SCHIP1: variants seen among roughly 807,000 people sequenced by gnomAD.
The protein encoded by SCHIP1 is schwannomin-interacting protein 1.
SCHIP1 carries 8 observed loss-of-function variants against 29.7 expected under a neutral mutation model. The observed-to-expected ratio is 0.27, with a 90% CI of 0.16 to 0.49. The LOEUF is 0.49. Among genes scored for constraint, SCHIP1 ranks in the 20% least tolerant of loss-of-function variants. The pLI, the probability that SCHIP1 is intolerant of heterozygous loss-of-function variation, is 0.99. For missense variants in SCHIP1, 193 were observed against 294.6 expected, an observed-to-expected ratio of 0.66 and a Z score of 2.52; for synonymous variants, 76 against 94.9, an observed-to-expected ratio of 0.80 and a Z score of 1.16.
chr3:159,571,575 T>C, the SCHIP1 span, among the ~76,000 whole-genome samples: 1 of 152,198 alleles, frequency 6.6e-6, no homozygotes, highest in East Asian at 1.9e-4. Context: ...ATCAGGGATA[T>C]TGATCTAAAA....
chr3:159,625,949 T>A, the SCHIP1 span, among the ~76,000 whole-genome samples: 1 of 151,932 alleles, frequency 6.6e-6, no homozygotes, highest in Non-Finnish European at 1.5e-5. Flanking sequence ...AAAAAGATGC[T>A]GTTAAACCAA....
chr3:159,866,665 C>T (rs1278589220), intron 2 of SCHIP1, among the ~76,000 whole-genome samples: 1 of 152,146 alleles, frequency 6.6e-6, no homozygotes, highest in Non-Finnish European at 1.5e-5. Context: ...AATCACCCCC[C>T]TGACACATTT....
the SCHIP1 span, among the ~76,000 whole-genome samples, chr3:159,347,529 T>G: frequency 6.6e-6 from 1 of 152,190 alleles, no homozygotes; most frequent in East Asian, 1.9e-4. Flanking sequence ...GGTCAGAATG[T>G]GAAATACTTT....
the SCHIP1 span, among the ~76,000 whole-genome samples, chr3:159,449,194 C>T: frequency 6.6e-6 from 1 of 152,146 alleles, no homozygotes; most frequent in East Asian, 1.9e-4. Context: ...TAGATTTACA[C>T]TTAAATCAAT....
upstream of SCHIP1, among the ~76,000 whole-genome samples, chr3:159,837,775 C>T (rs901011985): frequency 4.6e-5 from 7 of 151,844 alleles, no homozygotes; most frequent in African/African-American, 1.7e-4. Flanking sequence ...TTGCAAGGCA[C>T]TCTACACAGA....
chr3:159,361,808 G>A, the SCHIP1 span, among the ~76,000 whole-genome samples: 2 of 152,286 alleles, frequency 1.3e-5, no homozygotes, highest in East Asian at 3.9e-4. Context: ...TTTAAAAAAT[G>A]TATATTCAAA....
At chr3:159,474,008 C>G in the SCHIP1 span, among the ~76,000 whole-genome samples, 5 of 152,006 alleles carry the variant, frequency 3.3e-5, no homozygotes, top group African/African-American at 7.2e-5. Flanking sequence ...TAAATTGTCT[C>G]TAAATAAAAA....
intron 2 of SCHIP1, 59 bp downstream of exon 3, chr3:159,866,340 T>A (rs1019501667): frequency 2.0e-6 from 3 of 1,466,902 alleles, no homozygotes; most frequent in Admixed American, 4.4e-5. Context: ...GTCACTTGAC[T>A]ATTCTAATAA....
intron 2 of SCHIP1, among the ~76,000 whole-genome samples, chr3:159,867,573 C>T (rs1300402544): frequency 1.3e-5 from 2 of 152,170 alleles, no homozygotes; most frequent in African/African-American, 4.8e-5. Context: ...GCATCTCTTC[C>T]TCTGCTGGGT....
chr3:159,695,078 G>T, the SCHIP1 span, among the ~76,000 whole-genome samples: 10 of 152,236 alleles, frequency 6.6e-5, no homozygotes, highest in South Asian at 1.9e-3. Flanking sequence ...CTGTATATTT[G>T]GTGTTCATTT....
chr3:159,701,990 T>C, the SCHIP1 span, among the ~76,000 whole-genome samples: 1 of 152,138 alleles, frequency 6.6e-6, no homozygotes, highest in Non-Finnish European at 1.5e-5. Context: ...TGATGATCAT[T>C]GTACCTACCC....
At chr3:159,460,292 G>T in the SCHIP1 span, among the ~76,000 whole-genome samples, 2 of 152,172 alleles carry the variant, frequency 1.3e-5, no homozygotes, top group Non-Finnish European at 2.9e-5. Flanking sequence ...CACCCCTGAG[G>T]GTGGGTGAGG....
chr3:159,681,736 G>A, the SCHIP1 span, among the ~76,000 whole-genome samples: 1 of 152,032 alleles, frequency 6.6e-6, no homozygotes, highest in Admixed American at 6.5e-5. Flanking sequence ...CTTATCAGTT[G>A]GACTTTAACC....
intron 6 of SCHIP1, chr3:159,894,712 TAAAAAAA>T (rs77557884): frequency 7.1e-6 from 1 of 141,210 alleles, no homozygotes; most frequent in African/African-American, 2.6e-5. Flanking sequence ...ATTGTTGTTT[TAAAAAAA>T]AAAAAAAAAG....
chr3:159,314,643 C>T, the SCHIP1 span, among the ~76,000 whole-genome samples: 1 of 152,046 alleles, frequency 6.6e-6, no homozygotes, highest in African/African-American at 2.4e-5. Flanking sequence ...AAACTGAGGC[C>T]AACACTGAAA....
chr3:159,423,752 C>T, the SCHIP1 span, among the ~76,000 whole-genome samples: 165 of 152,260 alleles, frequency 1.1e-3, no homozygotes, highest in African/African-American at 4.0e-3. Flanking sequence ...GGCAGACTGC[C>T]TCCTCAAGTG....
chr3:159,707,205 T>C, the SCHIP1 span, among the ~76,000 whole-genome samples: 2 of 152,200 alleles, frequency 1.3e-5, no homozygotes, highest in Non-Finnish European at 2.9e-5. Flanking sequence ...AAAGGATGTG[T>C]GGGAGCTACC....
intron 1 of SCHIP1, among the ~76,000 whole-genome samples, chr3:159,850,728 G>T (rs944331031): frequency 6.6e-6 from 1 of 152,004 alleles, no homozygotes; most frequent in Admixed American, 6.6e-5. Flanking sequence ...CAGAGCAGGA[G>T]GAAGGGAAAG....
At chr3:159,715,171 C>T in the SCHIP1 span, among the ~76,000 whole-genome samples, 1 of 152,234 alleles carries the variant, frequency 6.6e-6, no homozygotes, top group African/African-American at 2.4e-5. Flanking sequence ...AACAGACCTG[C>T]AGCTGAAGGT....
Sources: gnomAD v4.1 joint callset for allele counts (sites outside exome capture counted in the v4.1 genomes callset) on GRCh38, gnomAD v4.1.1 for gene constraint, MANE v1.5 for transcripts, NCBI Gene and HGNC (gene_info 2026-07-23, HGNC 2026-07-21) for gene names.